The following FNIP2 variants were observed in gnomAD, a reference collection of about 807,000 sequenced individuals.
FNIP2 encodes the protein folliculin interacting protein 2.
FNIP2 carries 32 observed loss-of-function variants against 108.7 expected under a neutral mutation model. The observed-to-expected ratio is 0.29, with a 90% CI of 0.22 to 0.40. FNIP2 has a LOEUF of 0.40. FNIP2 is among the 10% of genes least tolerant of loss of function. FNIP2 has a pLI of 1.00. For missense variants in FNIP2, 1,202 were observed against 1,381.6 expected (o/e 0.87, Z 2.06); for synonymous variants, 480 against 496.7 (o/e 0.97, Z 0.45).
Position 158,905,755 on chromosome 4 carries a change from C to G in FNIP2, c.*1211C>G, listed in dbSNP as rs1170641124. 1 of 150,380 alleles carries G rather than the reference C, an allele frequency of 6.6e-6. No homozygotes were observed. Among genetic ancestry groups the G allele is most frequent in the Non-Finnish European group, 1.5e-5 (1 of 67,796 alleles). The allele number at this position is 150,380 out of a possible 1,614,324, so 9.3% of individuals were successfully genotyped here. On this transcript the variant is annotated 3_prime_UTR_variant, in exon 17 of 17. Transcript: ENST00000264433. ...TATAAAAGAAACTTCAGTTTACTGA[C>G]CGTGAAACAGACTATGTACTGACAT...
intron 1 of FNIP2, among the ~76,000 whole-genome samples, chr4:158,800,154 T>C (rs1418339944): frequency 1.3e-5 from 2 of 152,186 alleles, no homozygotes; most frequent in African/African-American, 4.8e-5. Context: ...CTTTTCCTTA[T>C]CTCTGTGTTG....
intron 14 of FNIP2, among the ~76,000 whole-genome samples, chr4:158,882,943 C>T (rs554581482): frequency 1.3e-4 from 20 of 151,952 alleles, no homozygotes; most frequent in Admixed American, 1.0e-3. Flanking sequence ...CACTATTGTC[C>T]TATGACCCTG....
chr4:158,893,157 C>G (rs1782396124), intron 15 of FNIP2: 1 of 152,538 alleles, frequency 6.6e-6, no homozygotes, highest in African/African-American at 2.4e-5. Flanking sequence ...AGTACCTGTT[C>G]AACAAGGGTG....
At chr4:158,902,766 A>C (rs1729448856) in intron 16 of FNIP2, among the ~76,000 whole-genome samples, 1 of 152,336 alleles carries the variant, frequency 6.6e-6, no homozygotes, top group Non-Finnish European at 1.5e-5. Flanking sequence ...TTGAACTTCC[A>C]GGCAGCTTTG....
intron 14 of FNIP2, among the ~76,000 whole-genome samples, chr4:158,880,083 G>A (rs759409449): frequency 3.3e-5 from 5 of 150,006 alleles, no homozygotes; most frequent in Non-Finnish European, 7.4e-5. Context: ...CCCAGCCATC[G>A]CATTACTGGG....
intron 15 of FNIP2, among the ~76,000 whole-genome samples, chr4:158,892,572 G>T (rs981361777): frequency 1.3e-5 from 2 of 152,148 alleles, no homozygotes; most frequent in Non-Finnish European, 2.9e-5. Context: ...CATTTAGAGA[G>T]GGAGGGGGAA....
In FNIP2 at chr4:158,811,170, A is replaced by T. The variant is rs1777246739; in HGVS notation, c.108-14746A>T. On this transcript the variant is annotated intron_variant, in intron 1 of 16. Transcript: ENST00000264433. ...TTATCTTTTATGAGTTCCCAAGGGGATATTTAGGTATCAGGTGTACACCCA... is the reference window on the plus strand; with the variant it reads ...TTATCTTTTATGAGTTCCCAAGGGGTTATTTAGGTATCAGGTGTACACCCA... Among the ~76,000 whole-genome samples the T allele has an allele frequency of 2.0e-5, 3 of 152,132 alleles. No individual in the cohort carries two copies. The South Asian group carries it at 6.2e-4, about 32-fold the overall frequency.
intron 1 of FNIP2, among the ~76,000 whole-genome samples, chr4:158,776,398 A>G (rs555387468): frequency 6.6e-6 from 1 of 152,352 alleles, no homozygotes; most frequent in African/African-American, 2.4e-5. Flanking sequence ...CACCAGTTCA[A>G]TTGATTCTGG....
chr4:158,770,377 T>C (rs1215215488), intron 1 of FNIP2, among the ~76,000 whole-genome samples: 1 of 152,296 alleles, frequency 6.6e-6, no homozygotes, highest in East Asian at 1.9e-4. Flanking sequence ...TTGGCCAAAA[T>C]GTCTTGCAAA....
intron 2 of FNIP2, among the ~76,000 whole-genome samples, chr4:158,827,462 T>G (rs1203488268): frequency 1.3e-5 from 2 of 152,310 alleles, no homozygotes; most frequent in East Asian, 3.9e-4. Flanking sequence ...GAAGCATTCA[T>G]CTAACCAAAA....
At chr4:158,884,978 TAAAA>T (rs34333695) in intron 14 of FNIP2, among the ~76,000 whole-genome samples, 6 of 120,154 alleles carry the variant, frequency 5.0e-5, no homozygotes, top group Non-Finnish European at 8.6e-5. Flanking sequence ...CTACCTCTGC[TAAAA>T]AAAAAAAAAA....
At chr4:158,879,712 T>C (rs1383590567) in intron 14 of FNIP2, among the ~76,000 whole-genome samples, 1 of 150,046 alleles carries the variant, frequency 6.7e-6, no homozygotes, top group Non-Finnish European at 1.5e-5. Context: ...AGGGCTAATA[T>C]CCAAATCTAC....
At position 158,868,185 on chromosome 4, in the gene FNIP2, A is replaced by G. The variant is rs371705877; in HGVS notation, c.1549A>G (p.Ile517Val). ...GAAGCAGAAGGACTTAGTCCAGCGAATACTTTATGTCCTGACCTACTTTCT... is the reference window on the plus strand; with the variant it reads ...GAAGCAGAAGGACTTAGTCCAGCGAGTACTTTATGTCCTGACCTACTTTCT... ...VGKQKDLVQRILYVLTYFLRC... is the reference protein window; with the variant it reads ...VGKQKDLVQRVLYVLTYFLRC... The change falls in exon 13 of 17, where the codon ATA becomes GTA. Residue 517 changes from isoleucine to valine, a missense_variant. Physicochemically the swap from Ile to Val is conservative, Grantham distance 29. This residue lies in a region of FNIP2 where 878 missense variants were observed against 990.3 expected (regional missense o/e 0.89). Transcript: ENST00000264433. The surrounding 1 kb of genome is among the most constrained non-coding windows in gnomAD (Gnocchi z 4.6). The G allele has an allele frequency of 4.3e-6, 7 of 1,613,922 alleles. No individual in the cohort carries two copies. The highest frequency in any genetic ancestry group is 5.9e-6 in the Non-Finnish European group (7 of 1,179,902).
Position 158,781,427 on chromosome 4 carries a change from T to A in FNIP2, c.107+12108T>A, listed in dbSNP as rs190458017. Among the ~76,000 whole-genome samples, 16 of 152,340 alleles carry A rather than the reference T, an allele frequency of 1.1e-4. No homozygotes were observed. In the East Asian group the frequency reaches 3.1e-3, roughly 29 times the overall value. On this transcript the variant is annotated intron_variant, in intron 1 of 16. Transcript: ENST00000264433. ...CATTATTAATTTTAAATTTTAAATT[T>A]AGGTAACCCCAAAGTGTAGATGGGG...
chr4:158,831,827 T>G (rs2126587417), intron 3 of FNIP2, 34 bp from the exon 4 acceptor site: 1 of 1,362,246 alleles, frequency 7.3e-7, no homozygotes, highest in Non-Finnish European at 1.0e-6. Context: ...TCATGTTCCA[T>G]GTACTAACTT....
intron 6 of FNIP2, 190 bp downstream of exon 6, chr4:158,833,818 A>G: frequency 2.6e-6 from 4 of 1,516,268 alleles, no homozygotes; most frequent in Non-Finnish European, 3.5e-6. Flanking sequence ...GCAAGCATGC[A>G]GCAGCAAACT....
At chr4:158,896,918 C>T (rs1220832245) in intron 16 of FNIP2, among the ~76,000 whole-genome samples, 2 of 151,536 alleles carry the variant, frequency 1.3e-5, no homozygotes, top group African/African-American at 4.9e-5. Context: ...CATAGGTATA[C>T]ACGTGCCATG....
At chr4:158,810,445 A>G (rs992225369) in intron 1 of FNIP2, among the ~76,000 whole-genome samples, 1 of 152,164 alleles carries the variant, frequency 6.6e-6, no homozygotes, top group Admixed American at 6.5e-5. Context: ...TTTACGTACC[A>G]TGAGAATTTT....
intron 7 of FNIP2, among the ~76,000 whole-genome samples, chr4:158,840,178 G>A (rs1471077358): frequency 6.6e-6 from 1 of 152,172 alleles, no homozygotes; most frequent in Non-Finnish European, 1.5e-5. Context: ...TCTAACCTGA[G>A]AAAGCGAGTG....
Sources: allele counts gnomAD v4.1 joint callset (sites outside exome capture counted in the v4.1 genomes callset), GRCh38; gene constraint gnomAD v4.1.1; regional missense constraint gnomAD v4.1.1; non-coding constraint Gnocchi (gnomAD v3.1); transcripts MANE v1.5; gene names NCBI Gene and HGNC (gene_info 2026-07-23, HGNC 2026-07-21).